CYP4X1: variants seen among roughly 807,000 people sequenced by gnomAD.
CYP4X1 encodes the protein cytochrome P450 family 4 subfamily X member 1, also known as cytochrome P450 4X1.
A neutral mutation model predicts 57.9 loss-of-function variants in CYP4X1; 44 were observed. The ratio of observed to expected loss-of-function variants is 0.76; its 90% CI spans 0.60 to 0.98. CYP4X1 has a LOEUF of 0.98. CYP4X1 is among the 50% of genes least tolerant of loss of function. The probability of loss-of-function intolerance (pLI) is 0.00; values close to 1 mark genes in which losing one functional copy is unlikely to be tolerated. For missense variants in CYP4X1, 532 were observed against 623.9 expected (o/e 0.85, Z 1.57); for synonymous variants, 227 against 228.6 (o/e 0.99, Z 0.06).
At chr1:47,026,992 G>A (rs867367634) in intron 1 of CYP4X1, among the ~76,000 whole-genome samples, 6 of 152,288 alleles carry the variant, frequency 3.9e-5, no homozygotes, top group South Asian at 4.2e-4. Flanking sequence ...TGGGATTACA[G>A]GCGTGAGCCA....
chr1:46,983,183 G>A, the CYP4X1 span, among the ~76,000 whole-genome samples: 35 of 152,336 alleles, frequency 2.3e-4, no homozygotes, highest in African/African-American at 7.7e-4. Context: ...GGCAGCAAGG[G>A]TGGGTATTGC....
intron 2 of CYP4X1, 101 bp from the exon 3 acceptor site, chr1:47,031,335 T>G (rs1262065228): frequency 1.4e-6 from 2 of 1,383,436 alleles, no homozygotes; most frequent in East Asian, 4.6e-5. Flanking sequence ...TTTCTCACTT[T>G]TTGTGGTTGG....
At position 47,050,066 on chromosome 1, in the gene CYP4X1, C is replaced by T; in HGVS notation, c.1422C>T (p.His474=). 1 of 1,614,066 alleles carries T rather than the reference C, an allele frequency of 6.2e-7. No homozygotes were observed. The highest frequency in any genetic ancestry group is 8.5e-7 in the Non-Finnish European group (1 of 1,180,004). The stretch of plus-strand genomic sequence containing the variant: ...TAACCATTGCCTTGATTCTGCTCCA[C>T]TTCAGAGTGACTCCAGACCCCACCA... ...LKVTIALILL[H]FRVTPDPTRP... is the part of the protein sequence containing the mutation. The change falls in exon 12 of 12, where the codon CAC becomes CAT. Residue 474 remains histidine, a synonymous_variant. Transcript: ENST00000371901.
In CYP4X1 at chr1:47,029,362, C is replaced by T. The variant is rs17102975; in HGVS notation, c.178-628C>T. ...TCTCTGGTGGTAGTATTTGCACTCT[C>T]ATTTGTAAATGTTGGAAGCTGAAAG... On this transcript the variant is annotated intron_variant, in intron 1 of 11. Coordinates refer to ENST00000371901, the MANE Select transcript of CYP4X1 (RefSeq NM_178033.2). 4.7e-3 allele frequency among the ~76,000 whole-genome samples: 717 copies of T among 152,292 alleles called. 1 individual carries two copies. Among genetic ancestry groups the T allele is most frequent in the African/African-American group, 0.016 (666 of 41,564 alleles).
Position 47,049,988 on chromosome 1 carries a change from T to G in CYP4X1, c.1356-12T>G. ...TTTTTCAAGTATCACTTTCTTTCCC[T>G]CTTGTCTTCAGGAACTGCATTGGGC... On this transcript the variant is annotated splice_polypyrimidine_tract_variant and intron_variant, in intron 11 of 11. Transcript: ENST00000371901. The G allele has an allele frequency of 6.2e-7, 1 of 1,610,786 alleles. No homozygotes were observed. The highest frequency in any genetic ancestry group is 8.5e-7 in the Non-Finnish European group (1 of 1,178,892).
intron 8 of CYP4X1, among the ~76,000 whole-genome samples, chr1:47,041,489 G>A (rs950912097): frequency 2.6e-5 from 4 of 152,096 alleles, no homozygotes; most frequent in Non-Finnish European, 5.9e-5. Flanking sequence ...TGAGCATGAG[G>A]TGATGTCTCA....
At position 47,023,697 on chromosome 1, in the gene CYP4X1, A is replaced by C. The variant is rs1644024106; in HGVS notation, c.-121A>C. Reference sequence around the variant, plus strand: ...GCCTTTCCTTCTTCCCGCGAGTCAGAAGCTTCGCGAGGGCCCAGAGAGGCG... The same window carrying C: ...GCCTTTCCTTCTTCCCGCGAGTCAGCAGCTTCGCGAGGGCCCAGAGAGGCG... On this transcript the variant is annotated 5_prime_UTR_variant, in exon 1 of 12. Coordinates refer to ENST00000371901, the MANE Select transcript of CYP4X1 (RefSeq NM_178033.2). The C allele has an allele frequency of 2.1e-6, 3 of 1,444,344 alleles. No individual in the cohort carries two copies. The highest frequency in any genetic ancestry group is 1.4e-5 in the African/African-American group (1 of 69,356). 89.5% of individuals were successfully genotyped at this position (1,444,344 alleles called of 1,614,324 possible). A position where few individuals can be genotyped will look rare whatever the true frequency, so the allele number is the denominator to read the frequency against.
At chr1:47,028,741 A>G (rs1387670274) in intron 1 of CYP4X1, among the ~76,000 whole-genome samples, 1 of 152,220 alleles carries the variant, frequency 6.6e-6, no homozygotes, top group Non-Finnish European at 1.5e-5. Context: ...TTAGTTTACA[A>G]TATTCATGAG....
the CYP4X1 span, among the ~76,000 whole-genome samples, chr1:46,990,376 C>T: frequency 3.9e-5 from 6 of 152,142 alleles, no homozygotes; most frequent in Middle Eastern, 3.4e-3. Flanking sequence ...GTTAGAATGG[C>T]GATCATTAAA....
chr1:47,010,606 A>C, the CYP4X1 span, among the ~76,000 whole-genome samples: 1 of 152,214 alleles, frequency 6.6e-6, no homozygotes, highest in Non-Finnish European at 1.5e-5. Flanking sequence ...AATTAGGAAA[A>C]GAGAAAGTCA....
the CYP4X1 span, among the ~76,000 whole-genome samples, chr1:46,986,485 C>T: frequency 6.6e-6 from 1 of 152,174 alleles, no homozygotes; most frequent in South Asian, 2.1e-4. Context: ...GGAGAACTTC[C>T]CCAACCTAGC....
intron 8 of CYP4X1, 107 bp from the exon 9 acceptor site, chr1:47,046,360 C>G: frequency 6.7e-7 from 1 of 1,482,170 alleles, no homozygotes; most frequent in Non-Finnish European, 9.1e-7. Context: ...AAACCAGTGG[C>G]AAAATGGCTT....
At chr1:47,037,272 A>AT (rs34146521) in intron 6 of CYP4X1, among the ~76,000 whole-genome samples, 1,425 of 115,864 alleles carry the variant, frequency 0.012, 35 homozygotes, top group African/African-American at 0.03. Flanking sequence ...AACCTTTTCA[A>AT]TTTTTTTTTT....
At chr1:47,039,219 T>G (rs1161346638) in intron 7 of CYP4X1, 123 bp from the exon 8 acceptor site, 7 of 844,354 alleles carry the variant, frequency 8.3e-6, no homozygotes, top group Non-Finnish European at 1.2e-5. Flanking sequence ...TTTGTTGAAC[T>G]GAATTAAAAT....
the CYP4X1 span, among the ~76,000 whole-genome samples, chr1:46,975,565 A>G: frequency 3.3e-5 from 5 of 152,032 alleles, no homozygotes; most frequent in Admixed American, 2.0e-4. Flanking sequence ...TTGGAGGATG[A>G]CCTGCCCCTT....
the CYP4X1 span, among the ~76,000 whole-genome samples, chr1:46,975,204 C>T: frequency 1.3e-5 from 2 of 152,168 alleles, no homozygotes; most frequent in Admixed American, 6.5e-5. Flanking sequence ...TGCCTTTGAT[C>T]CTGTCATCAT....
chr1:47,003,642 G>T, the CYP4X1 span, among the ~76,000 whole-genome samples: 1 of 152,018 alleles, frequency 6.6e-6, no homozygotes, highest in South Asian at 2.1e-4. Context: ...GCAAAGCCAG[G>T]AGCAAGAGAG....
chr1:46,962,501 T>C, the CYP4X1 span, among the ~76,000 whole-genome samples: 1 of 152,218 alleles, frequency 6.6e-6, no homozygotes, highest in Non-Finnish European at 1.5e-5. Context: ...AATTACTGTT[T>C]TCAGTGGTAA....
chr1:46,991,658 C>T, the CYP4X1 span, among the ~76,000 whole-genome samples: 3 of 152,182 alleles, frequency 2.0e-5, no homozygotes, highest in South Asian at 2.1e-4. Context: ...GACACAGATG[C>T]GTTCCAAGAG....
Sources: allele counts gnomAD v4.1 joint callset (sites outside exome capture counted in the v4.1 genomes callset), GRCh38; gene constraint gnomAD v4.1.1; transcripts MANE v1.5; gene names NCBI Gene and HGNC (gene_info 2026-07-23, HGNC 2026-07-21).